The following DCAF7 variants were observed in gnomAD, a reference collection of about 807,000 sequenced individuals.
The protein encoded by DCAF7 is DDB1- and CUL4-associated factor 7.
A neutral mutation model predicts 41.2 loss-of-function variants in DCAF7; 4 were observed. That is an observed-to-expected ratio of 0.10 (90% confidence interval 0.05 to 0.22). The LOEUF is 0.22. DCAF7 is among the 10% of genes least tolerant of loss of function. DCAF7 has a pLI of 1.00. For synonymous variants in DCAF7, 143 were observed against 164.2 expected (o/e 0.87, Z 0.99); for missense variants, 131 against 443.2 (o/e 0.30, Z 6.32).
In DCAF7 at chr17:63,550,821, C is replaced by T. The variant is rs1176085240; in HGVS notation, c.138+6C>T. The T allele has an allele frequency of 4.3e-6, 7 of 1,612,578 alleles. No individual in the cohort carries two copies. In the South Asian group the frequency reaches 4.4e-5, roughly 10 times the overall value. ...TGGAGGAGTACAACAACAAGGTGGG[C>T]CGGGCAGGGGCTCGGAACCCAGCTG... On this transcript the variant is annotated splice_donor_region_variant and intron_variant, in intron 1 of 6. Transcript: ENST00000614556. The surrounding 1 kb of genome is among the most constrained non-coding windows in gnomAD (Gnocchi z 4.8).
intron 1 of DCAF7, among the ~76,000 whole-genome samples, chr17:63,568,992 A>G (rs935496886): frequency 2.0e-5 from 3 of 152,228 alleles, no homozygotes; most frequent in African/African-American, 7.2e-5. Context: ...AAGTCCAACC[A>G]GTTCAAACAC....
Position 63,550,490 on chromosome 17 carries a change from A to C in DCAF7, c.-188A>C. The stretch of plus-strand genomic sequence containing the variant: ...CGGAAGGTGGTTGTCGTCCGTTCCC[A>C]AGCTGGTTTGAAACTAGGGGTCGGG... On this transcript the variant is annotated 5_prime_UTR_variant, in exon 1 of 7. Transcript: ENST00000614556. This position sits in a 1 kb window ranked among gnomAD's most constrained non-coding sequence, Gnocchi z 4.8. The C allele has an allele frequency of 1.1e-6, 1 of 948,350 alleles. No individual in the cohort carries two copies. Among genetic ancestry groups the C allele is most frequent in the Non-Finnish European group, 1.5e-6 (1 of 672,386 alleles). The allele number at this position is 948,350 out of a possible 1,614,324, so 58.7% of individuals were successfully genotyped here.
chr17:63,581,711 G>T (rs1434414450), intron 4 of DCAF7, among the ~76,000 whole-genome samples: 1 of 152,242 alleles, frequency 6.6e-6, no homozygotes, highest in Non-Finnish European at 1.5e-5. Context: ...GATCTTGACA[G>T]CAGACAGGCC....
intron 1 of DCAF7, among the ~76,000 whole-genome samples, chr17:63,553,816 G>T (rs908845622): frequency 6.6e-6 from 1 of 152,208 alleles, no homozygotes; most frequent in Non-Finnish European, 1.5e-5. Context: ...AACAGTTTAA[G>T]AAATTGACTT....
chr17:63,567,605 C>T (rs1239013355), intron 1 of DCAF7, among the ~76,000 whole-genome samples: 1 of 152,164 alleles, frequency 6.6e-6, no homozygotes, highest in South Asian at 2.1e-4. Context: ...AAACTCTAGT[C>T]GTAGGCAAAG....
Position 63,550,902 on chromosome 17 carries a change from C to A in DCAF7, c.138+87C>A. 6.5e-7 allele frequency: 1 copy of A among 1,530,506 alleles called. No individual in the cohort carries two copies. The highest frequency in any genetic ancestry group is 1.2e-5 in the South Asian group (1 of 83,158). The allele number at this position is 1,530,506 out of a possible 1,614,324, so 94.8% of individuals were successfully genotyped here. On this transcript the variant is annotated intron_variant, in intron 1 of 6. Coordinates refer to ENST00000614556, the MANE Select transcript of DCAF7 (RefSeq NM_005828.5). This position sits in a 1 kb window ranked among gnomAD's most constrained non-coding sequence, Gnocchi z 4.8. ...CGGGCCGGAGCCCAGGCCTCAGAAC[C>A]CTCTTGCGGACTCGCCCTAGGGCCA... is the stretch of plus-strand genomic sequence containing the variant.
chr17:63,558,846 C>CA (rs1459938622), intron 1 of DCAF7, among the ~76,000 whole-genome samples: 2 of 152,030 alleles, frequency 1.3e-5, no homozygotes, highest in African/African-American at 4.8e-5. Flanking sequence ...CACACATTGT[C>CA]AAAAAACTTC....
chr17:63,568,029 T>A (rs2033463311), intron 1 of DCAF7, among the ~76,000 whole-genome samples: 1 of 151,860 alleles, frequency 6.6e-6, no homozygotes, highest in East Asian at 1.9e-4. Context: ...TGTTATTGTT[T>A]TTGTTTTTTG....
At chr17:63,564,791 C>T (rs551134443) in intron 1 of DCAF7, among the ~76,000 whole-genome samples, 2 of 152,346 alleles carry the variant, frequency 1.3e-5, no homozygotes, top group East Asian at 3.9e-4. Context: ...GCAATTCTTC[C>T]CCCACCGGAG....
chr17:63,582,609 C>T (rs1336677977), intron 4 of DCAF7, among the ~76,000 whole-genome samples: 1 of 152,060 alleles, frequency 6.6e-6, no homozygotes, highest in African/African-American at 2.4e-5. Context: ...GCTGGGATTA[C>T]CGGCACCAGA....
In DCAF7 at chr17:63,590,253, C is replaced by G. The variant is rs758300542; in HGVS notation, c.*1081C>G. 1 of 152,618 alleles carries G rather than the reference C, an allele frequency of 6.6e-6. No homozygotes were observed. The highest frequency in any genetic ancestry group is 1.5e-5 in the Non-Finnish European group (1 of 68,096). The allele number at this position is 152,618 out of a possible 1,614,324, so 9.5% of individuals were successfully genotyped here. On this transcript the variant is annotated 3_prime_UTR_variant, in exon 7 of 7. Transcript: ENST00000614556. ...TTGGGCATTCTTTGGATTGAGTGTT[C>G]TGAGGTGAGAGAGTCTTCCCGAGGC...
chr17:63,567,325 A>C (rs2033454163), intron 1 of DCAF7, among the ~76,000 whole-genome samples: 1 of 152,220 alleles, frequency 6.6e-6, no homozygotes, highest in Non-Finnish European at 1.5e-5. Flanking sequence ...AAAATTGAAC[A>C]ACATGAGAGC....
At chr17:63,585,591 T>C (rs1377718560) in intron 6 of DCAF7, among the ~76,000 whole-genome samples, 1 of 152,202 alleles carries the variant, frequency 6.6e-6, no homozygotes, top group African/African-American at 2.4e-5. Flanking sequence ...ACTGTGCCCC[T>C]GAAATCTGGA....
intron 1 of DCAF7, among the ~76,000 whole-genome samples, chr17:63,558,053 G>A (rs1056925891): frequency 4.6e-5 from 7 of 151,792 alleles, no homozygotes; most frequent in South Asian, 2.1e-4. Context: ...ACACCACCAC[G>A]CCCGCTAATT....
rs953545921 is a variant in DCAF7 at position 63,594,255 on chromosome 17, C to G, written c.*5083C>G. The G allele has an allele frequency of 6.6e-6, 1 of 152,636 alleles. No homozygotes were observed. The highest frequency in any genetic ancestry group is 2.4e-5 in the African/African-American group (1 of 41,446). 9.5% of individuals were successfully genotyped at this position (152,636 alleles called of 1,614,324 possible). A position where few individuals can be genotyped will look rare whatever the true frequency, so the allele number is the denominator to read the frequency against. Reference sequence around the variant, plus strand: ...CTGCCCATCATACTTTGTAATAAAACTTGAACATGTATAGATTGACTGAAT... The same window carrying G: ...CTGCCCATCATACTTTGTAATAAAAGTTGAACATGTATAGATTGACTGAAT... On this transcript the variant is annotated 3_prime_UTR_variant, in exon 7 of 7. Coordinates refer to ENST00000614556, the MANE Select transcript of DCAF7 (RefSeq NM_005828.5).
intron 1 of DCAF7, among the ~76,000 whole-genome samples, chr17:63,569,383 GA>G (rs796123483): frequency 0.06 from 7,357 of 123,550 alleles, 182 homozygotes; most frequent in African/African-American, 0.077. Flanking sequence ...CTACTTTAAG[GA>G]AAAAAAAAAA....
chr17:63,558,717 A>G (rs927248477), intron 1 of DCAF7, among the ~76,000 whole-genome samples: 5 of 152,068 alleles, frequency 3.3e-5, no homozygotes, highest in African/African-American at 1.2e-4. Flanking sequence ...GCCCAACCCA[A>G]AGTGCTGGGG....
chr17:63,585,135 T>C, intron 5 of DCAF7, 76 bp from the exon 6 acceptor site: 1 of 1,183,234 alleles, frequency 8.5e-7, no homozygotes, highest in East Asian at 2.4e-5. Context: ...AAAAGATTTT[T>C]GCATGTGGAT....
Position 63,550,647 on chromosome 17 carries a change from A to C in DCAF7, c.-31A>C. ...CCCCGCCCGCCGCAGCCCACTGTTG[A>C]CCCGGCCCGTACTGCGGCCCCGTGG... On this transcript the variant is annotated 5_prime_UTR_variant, in exon 1 of 7. Transcript: ENST00000614556. The surrounding 1 kb of genome is among the most constrained non-coding windows in gnomAD (Gnocchi z 4.8). The C allele has an allele frequency of 6.2e-7, 1 of 1,609,440 alleles. No homozygotes were observed. The highest frequency in any genetic ancestry group is 8.5e-7 in the Non-Finnish European group (1 of 1,177,718).
Sources: gnomAD v4.1 joint callset for allele counts (sites outside exome capture counted in the v4.1 genomes callset) on GRCh38, gnomAD v4.1.1 for gene constraint, Gnocchi (gnomAD v3.1) non-coding constraint, MANE v1.5 for transcripts, NCBI Gene and HGNC (gene_info 2026-07-23, HGNC 2026-07-21) for gene names.